CHSY1: variants seen among roughly 807,000 people sequenced by gnomAD.
CHSY1 encodes the protein N-acetylgalactosaminyl-proteoglycan 3-beta-glucuronosyltransferase 1.
CHSY1 carries 13 observed loss-of-function variants against 59.8 expected under a neutral mutation model. The observed-to-expected ratio is 0.22, with a 90% CI of 0.14 to 0.35. The LOEUF is 0.35. Among genes scored for constraint, CHSY1 ranks in the 10% least tolerant of loss-of-function variants. The pLI is 1.00. For synonymous variants in CHSY1, 459 were observed against 401.2 expected (o/e 1.14, Z -1.72); for missense variants, 947 against 1,030.6 (o/e 0.92, Z 1.11).
At chr15:101,228,111 T>C (rs934698722) in intron 2 of CHSY1, among the ~76,000 whole-genome samples, 4 of 151,930 alleles carry the variant, frequency 2.6e-5, no homozygotes, top group African/African-American at 9.7e-5. Flanking sequence ...ACAGAAATTA[T>C]GGAGTTGAAA....
chr15:101,232,102 T>C (rs1257457691), intron 2 of CHSY1, among the ~76,000 whole-genome samples: 1 of 152,222 alleles, frequency 6.6e-6, no homozygotes, highest in East Asian at 1.9e-4. Flanking sequence ...CAGTTGTTCC[T>C]CACAAGTCAT....
At chr15:101,189,046 A>G (rs559638528) in intron 2 of CHSY1, among the ~76,000 whole-genome samples, 14 of 152,364 alleles carry the variant, frequency 9.2e-5, no homozygotes, top group African/African-American at 3.1e-4. Context: ...ACGGCACTCA[A>G]TATTTACTGA....
Position 101,177,670 on chromosome 15 carries a change from A to C in CHSY1, c.2127T>G (p.Phe709Leu), listed in dbSNP as rs1433096433. The C allele has an allele frequency of 6.2e-7, 1 of 1,614,200 alleles. No homozygotes were observed. Among genetic ancestry groups the C allele is most frequent in the Non-Finnish European group, 8.5e-7 (1 of 1,180,044 alleles). Reference sequence around the variant, plus strand: ...GCCCCCAGCCTTGGATGGAAACATCAAAGCCACCCACTCGGACAAGATCTC... The same window carrying C: ...GCCCCCAGCCTTGGATGGAAACATCCAAGCCACCCACTCGGACAAGATCTC... ...YKGDLVRVGGFDVSIQGWGLE... is the reference protein window; with the variant it reads ...YKGDLVRVGGLDVSIQGWGLE... The change falls in exon 3 of 3, where the codon TTT (phenylalanine) becomes TTG (leucine). Residue 709 changes from phenylalanine to leucine, a missense_variant. This residue lies in a region of CHSY1 where 602 missense variants were observed against 676.9 expected (regional missense o/e 0.89). Transcript: ENST00000254190.
intron 1 of CHSY1, among the ~76,000 whole-genome samples, chr15:101,248,314 A>T (rs2039071126): frequency 6.6e-6 from 1 of 152,226 alleles, no homozygotes; most frequent in South Asian, 2.1e-4. Flanking sequence ...CCTCCCCAAA[A>T]GTTCCTTAAC....
intron 2 of CHSY1, among the ~76,000 whole-genome samples, chr15:101,220,148 C>T (rs942958726): frequency 1.3e-5 from 2 of 152,202 alleles, no homozygotes; most frequent in African/African-American, 4.8e-5. Flanking sequence ...AGTACCCAAA[C>T]AGTGAGTGTT....
intron 2 of CHSY1, among the ~76,000 whole-genome samples, chr15:101,212,030 G>A (rs1489333702): frequency 6.6e-6 from 1 of 152,054 alleles, no homozygotes; most frequent in Non-Finnish European, 1.5e-5. Context: ...CAAAAGACAG[G>A]CACATGATCA....
chr15:101,220,969 C>A (rs938955537), intron 2 of CHSY1, among the ~76,000 whole-genome samples: 2 of 152,082 alleles, frequency 1.3e-5, no homozygotes, highest in African/African-American at 4.8e-5. Context: ...AGACTCAGTG[C>A]CACCTGCGAG....
intron 1 of CHSY1, among the ~76,000 whole-genome samples, chr15:101,246,183 T>C (rs974749221): frequency 6.6e-6 from 1 of 152,134 alleles, no homozygotes; most frequent in Non-Finnish European, 1.5e-5. Context: ...CCTTGTTCAA[T>C]CTTGGCGCAA....
At chr15:101,228,882 G>C (rs2038866382) in intron 2 of CHSY1, among the ~76,000 whole-genome samples, 1 of 152,144 alleles carries the variant, frequency 6.6e-6, no homozygotes, top group African/African-American at 2.4e-5. Flanking sequence ...TAAAAGATAA[G>C]TACATAAAGC....
rs2038202771 is a variant in CHSY1 at position 101,177,231 on chromosome 15, CCTT to C, written c.*154_*156del. ...TGTGTTCAAAGGCAAACACTGATCA[CCTT>C]CTTGTTCAGAAAGCTCAATCTTAAA... On this transcript the variant is annotated 3_prime_UTR_variant, in exon 3 of 3. Transcript: ENST00000254190. The C allele has an allele frequency of 9.1e-6, 6 of 656,330 alleles. No homozygotes were observed. Among genetic ancestry groups the C allele is most frequent in the South Asian group, 8.5e-5 (4 of 46,814 alleles). The allele number at this position is 656,330 out of a possible 1,614,324, so 40.7% of individuals were successfully genotyped here.
chr15:101,219,595 C>G (rs539152979), intron 2 of CHSY1, among the ~76,000 whole-genome samples: 1 of 152,216 alleles, frequency 6.6e-6, no homozygotes, highest in East Asian at 1.9e-4. Context: ...AAACAAACAC[C>G]ACTCAGCTCT....
Position 101,248,622 on chromosome 15 carries a change from CT to C in CHSY1, c.320+2514del, listed in dbSNP as rs577571365. 5.6e-4 allele frequency among the ~76,000 whole-genome samples: 85 copies of C among 151,704 alleles called. 1 individual carries two copies. The highest frequency in any genetic ancestry group is 2.0e-3 in the African/African-American group (81 of 41,308). On this transcript the variant is annotated intron_variant, in intron 1 of 2. Transcript: ENST00000254190. ...TGTGTTTCTGCTTTCCCCTAACCAC[CT>C]GAAAAAAAAATAATAAATAAACAAT...
intron 2 of CHSY1, among the ~76,000 whole-genome samples, chr15:101,204,283 A>T (rs909073807): frequency 5.9e-5 from 9 of 151,946 alleles, no homozygotes; most frequent in Non-Finnish European, 1.0e-4. Flanking sequence ...AAAATACAAA[A>T]ATTAGCTGGG....
intron 2 of CHSY1, among the ~76,000 whole-genome samples, chr15:101,199,533 C>T (rs1309941886): frequency 6.6e-6 from 1 of 152,132 alleles, no homozygotes; most frequent in African/African-American, 2.4e-5. Context: ...ACAAAAAACA[C>T]ATCATTTCAG....
At chr15:101,249,402 C>T (rs1359817313) in intron 1 of CHSY1, among the ~76,000 whole-genome samples, 3 of 151,058 alleles carry the variant, frequency 2.0e-5, no homozygotes, top group Non-Finnish European at 4.4e-5. Context: ...AAAAAAAATC[C>T]CATAAAACCT....
chr15:101,207,478 A>G (rs143959930), intron 2 of CHSY1, among the ~76,000 whole-genome samples: 16 of 152,332 alleles, frequency 1.1e-4, no homozygotes, highest in African/African-American at 3.6e-4. Context: ...TGTTAACAGG[A>G]TATTTTTCTT....
chr15:101,250,611 T>C (rs1426684207), intron 1 of CHSY1, among the ~76,000 whole-genome samples: 1 of 152,230 alleles, frequency 6.6e-6, no homozygotes, highest in Non-Finnish European at 1.5e-5. Flanking sequence ...TGTGGTCCAA[T>C]ATGCTGCGGG....
Position 101,178,952 on chromosome 15 carries a change from T to G in CHSY1, c.845A>C (p.Glu282Ala). The stretch of plus-strand genomic sequence containing the variant: ...TCTAATGTACCCCTTTTTGTTCTGC[T>G]CGTAATTCTCATAAAAAAGCTGCTG... ...EMQQLFYENY[E>A]QNKKGYIRDL... Residue 282 changes from glutamate to alanine, a missense_variant, in exon 3 of 3, where the codon GAG becomes GCG. Glu to Ala is a moderately radical substitution (Grantham distance 107). Coordinates refer to ENST00000254190, the MANE Select transcript of CHSY1 (RefSeq NM_014918.5). The G allele has an allele frequency of 6.2e-7, 1 of 1,614,046 alleles. No homozygotes were observed. Among genetic ancestry groups the G allele is most frequent in the Non-Finnish European group, 8.5e-7 (1 of 1,179,976 alleles).
intron 1 of CHSY1, among the ~76,000 whole-genome samples, chr15:101,249,182 G>A (rs922948170): frequency 6.6e-6 from 1 of 151,950 alleles, no homozygotes; most frequent in Non-Finnish European, 1.5e-5. Flanking sequence ...CCATGAAAAT[G>A]TATTTGGTTC....
Sources: gnomAD v4.1 joint callset for allele counts (sites outside exome capture counted in the v4.1 genomes callset) on GRCh38, gnomAD v4.1.1 for gene constraint, gnomAD v4.1.1 regional missense constraint, MANE v1.5 for transcripts, NCBI Gene and HGNC (gene_info 2026-07-23, HGNC 2026-07-21) for gene names.